Variants in HSPBP1 observed in about 807,000 individuals in gnomAD.
The protein encoded by HSPBP1 is HSPA (Hsp70) binding protein 1.
Under a neutral mutation model 41.7 loss-of-function variants are expected in HSPBP1, and 31 were observed. The observed-to-expected ratio is 0.74, with a 90% confidence interval of 0.56 to 1.00. The LOEUF is 1.00. Ranked by LOEUF, HSPBP1 falls within the 50% of genes least tolerant of loss-of-function variation. The pLI is 0.00. For synonymous variants in HSPBP1, 199 were observed against 214.4 expected (o/e 0.93, Z 0.63); for missense variants, 439 against 487.9 (o/e 0.90, Z 0.94).
At chr19:55,267,048 T>C (rs2087806610) in intron 4 of HSPBP1, among the ~76,000 whole-genome samples, 1 of 152,262 alleles carries the variant, frequency 6.6e-6, no homozygotes, top group Admixed American at 6.5e-5. Context: ...TTCATTCTTT[T>C]TCATGGCTGA....
In HSPBP1 at chr19:55,274,551, A is replaced by G; in HGVS notation, c.487T>C (p.Trp163Arg). ...YLEAGAAGLR[W>R]RAAQLIGTCS... The stretch of plus-strand genomic sequence containing the variant: ...GTGCCGATGAGCTGTGCCGCCCGCC[A>G]CCGCAGTCCCGCAGCCCCCGCCTCC... The change falls in exon 4 of 8, where the codon TGG (tryptophan) becomes CGG (arginine). Residue 163 changes from tryptophan to arginine, a missense_variant. Trp to Arg is a moderately radical substitution (Grantham distance 101, BLOSUM62 -3). Transcript: ENST00000433386. 6.2e-7 allele frequency: 1 copy of G among 1,609,164 alleles called. No individual in the cohort carries two copies. The highest frequency in any genetic ancestry group is 8.5e-7 in the Non-Finnish European group (1 of 1,179,646).
chr19:55,264,549 C>G (rs549357807), intron 7 of HSPBP1, among the ~76,000 whole-genome samples: 109 of 151,980 alleles, frequency 7.2e-4, no homozygotes, highest in African/African-American at 2.6e-3. Flanking sequence ...TTATTTATCA[C>G]TTGTTATTTA....
intron 4 of HSPBP1, among the ~76,000 whole-genome samples, chr19:55,271,904 CA>C (rs1200190328): frequency 6.6e-6 from 1 of 151,518 alleles, no homozygotes; most frequent in East Asian, 1.9e-4. Context: ...ACTAAAAGTA[CA>C]AAAAAAATTA....
intron 4 of HSPBP1, 66 bp downstream of exon 4, chr19:55,274,332 G>A (rs1600148087): frequency 5.4e-6 from 6 of 1,103,542 alleles, no homozygotes; most frequent in Admixed American, 4.4e-5. Flanking sequence ...AGCAGATCCC[G>A]GGGGCCCACC....
At chr19:55,275,006 G>A (rs1439811735) in intron 3 of HSPBP1, among the ~76,000 whole-genome samples, 1 of 152,194 alleles carries the variant, frequency 6.6e-6, no homozygotes, top group African/African-American at 2.4e-5. Context: ...AGTAGTCTGT[G>A]GTGCTTGGCT....
In HSPBP1 at chr19:55,268,802, G is replaced by A. The variant is rs951334136; in HGVS notation, c.641-2516C>T. On this transcript the variant is annotated intron_variant, in intron 4 of 7. Transcript: ENST00000433386. This position sits in a 1 kb window ranked among gnomAD's most constrained non-coding sequence, Gnocchi z 4.5. ...TTATGCCTCAACCTACCGAGTAGCCGAGATTACAGGCATGCCCCACCATGC... is the reference window on the plus strand; with the variant it reads ...TTATGCCTCAACCTACCGAGTAGCCAAGATTACAGGCATGCCCCACCATGC... Among the ~76,000 whole-genome samples, 4 of 152,064 alleles carry A rather than the reference G, an allele frequency of 2.6e-5. No homozygotes were observed. Among genetic ancestry groups the A allele is most frequent in the Non-Finnish European group, 5.9e-5 (4 of 68,026 alleles).
rs1309148973 is a variant in HSPBP1, at chr19:55,279,626, G to A, written c.-18C>T. The A allele has an allele frequency of 1.3e-5, 21 of 1,567,722 alleles. No homozygotes were observed. The highest frequency in any genetic ancestry group is 1.8e-5 in the Non-Finnish European group (21 of 1,156,574). ...TCTGACATGGGCCGTTTGTGAAGAAGGGAAGAATGTGTTAGAGGGAGAAGG... is the reference window on the plus strand; with the variant it reads ...TCTGACATGGGCCGTTTGTGAAGAAAGGAAGAATGTGTTAGAGGGAGAAGG... On this transcript the variant is annotated 5_prime_UTR_variant, in exon 2 of 8. Coordinates refer to ENST00000433386, the MANE Select transcript of HSPBP1 (RefSeq NM_012267.5).
chr19:55,270,434 G>T lies in HSPBP1; in HGVS notation c.640+3964C>A, dbSNP rs2087891876. On this transcript the variant is annotated intron_variant, in intron 4 of 7. Coordinates refer to ENST00000433386, the MANE Select transcript of HSPBP1 (RefSeq NM_012267.5). This position sits in a 1 kb window ranked among gnomAD's most constrained non-coding sequence, Gnocchi z 5.4. ...TGCAATGAGACCTTCAGGGAACGAG[G>T]CCCGGCTGACGGCTGACCACAACCT... 6.6e-6 allele frequency among the ~76,000 whole-genome samples: 1 copy of T among 152,158 alleles called. No homozygotes were observed. Among genetic ancestry groups the T allele is most frequent in the Non-Finnish European group, 1.5e-5 (1 of 68,010 alleles).
chr19:55,263,993 G>A (rs2087710505), intron 7 of HSPBP1, among the ~76,000 whole-genome samples: 1 of 145,486 alleles, frequency 6.9e-6, no homozygotes, highest in Non-Finnish European at 1.5e-5. Context: ...TTTTGAGATG[G>A]AGTCTCACTC....
rs1302514546 is a variant in HSPBP1 at position 55,265,307 on chromosome 19, G to A, written c.976C>T (p.Gln326Ter). 1.9e-6 allele frequency: 3 copies of A among 1,612,420 alleles called. No individual in the cohort carries two copies. Among genetic ancestry groups the A allele is most frequent in the East Asian group, 4.5e-5 (2 of 44,798 alleles). ...GLEELLRHRC[Q>*]LLQQHEEYQE... ...TACTCCTCATGCTGCTGCAGCAGCTGACAGCGGTGGCGGAGGAGCTCCTCC... is the reference window on the plus strand; with the variant it reads ...TACTCCTCATGCTGCTGCAGCAGCTAACAGCGGTGGCGGAGGAGCTCCTCC... Residue 326 changes from glutamine (Q) to a stop codon, truncating the protein, a stop_gained, in exon 7 of 8, where the codon CAG (glutamine) becomes TAG (stop). Coordinates refer to ENST00000433386, the MANE Select transcript of HSPBP1 (RefSeq NM_012267.5). LOFTEE classifies it high-confidence loss of function.
intron 2 of HSPBP1, among the ~76,000 whole-genome samples, chr19:55,278,923 C>CCCAAAAA (rs764250410): frequency 1.1e-5 from 1 of 90,654 alleles, no homozygotes; most frequent in Non-Finnish European, 2.2e-5. Context: ...CTGCCCCCAC[C>CCCAAAAA]AAAAAAAAAA....
chr19:55,265,846 C>T (rs1463209887), intron 6 of HSPBP1, 40 bp downstream of exon 6: 2 of 1,466,702 alleles, frequency 1.4e-6, no homozygotes, highest in South Asian at 2.6e-5. Context: ...GAGGACGGGG[C>T]CCCCACCCCA....
At chr19:55,274,364 G>A in intron 4 of HSPBP1, 34 bp downstream of exon 4, 13 of 167,070 alleles carry the variant, frequency 7.8e-5, no homozygotes, top group South Asian at 2.8e-4. Flanking sequence ...CCCACCGCCA[G>A]CACCCCTGTC....
chr19:55,278,730 G>A (rs955810086), intron 2 of HSPBP1, among the ~76,000 whole-genome samples: 1 of 152,022 alleles, frequency 6.6e-6, no homozygotes, highest in Non-Finnish European at 1.5e-5. Context: ...CCTGGCCAAT[G>A]TAGTGAAACC....
intron 7 of HSPBP1, among the ~76,000 whole-genome samples, chr19:55,264,090 C>G (rs944561583): frequency 6.6e-6 from 1 of 151,832 alleles, no homozygotes; most frequent in Non-Finnish European, 1.5e-5. Context: ...GCCTCAGCCT[C>G]CTGGGTAGCT....
chr19:55,266,642 C>T (rs893734890), intron 4 of HSPBP1, among the ~76,000 whole-genome samples: 5 of 150,446 alleles, frequency 3.3e-5, no homozygotes, highest in African/African-American at 7.4e-5. Flanking sequence ...ATATAATTAT[C>T]GTCAATCATC....
chr19:55,267,481 G>C (rs1453541774), intron 4 of HSPBP1, among the ~76,000 whole-genome samples: 1 of 142,234 alleles, frequency 7.0e-6, no homozygotes, highest in South Asian at 2.2e-4. Flanking sequence ...TTTTTTTTGA[G>C]ACAGAGTCTT....
Position 55,274,596 on chromosome 19 carries a change from G to T in HSPBP1, c.442C>A (p.Leu148Met). Residue 148 changes from leucine (L) to methionine (M), a missense_variant, in exon 4 of 8, where the codon CTG becomes ATG. Transcript: ENST00000433386. ...GCCTCCAGGTACCGGCCCACCAGCA[G>T]GTGCATGCCAGACAGCTGGCAGAAG... is the stretch of plus-strand genomic sequence containing the variant. ...ADFCQLSGMHLLVGRYLEAGA... is the reference protein window; with the variant it reads ...ADFCQLSGMHMLVGRYLEAGA... The T allele has an allele frequency of 6.2e-7, 1 of 1,607,486 alleles. No individual in the cohort carries two copies. The highest frequency in any genetic ancestry group is 1.1e-5 in the South Asian group (1 of 90,946).
At chr19:55,266,319 TCACCAC>T in intron 4 of HSPBP1, 33 bp from the exon 5 acceptor site, 3 of 1,539,004 alleles carry the variant, frequency 1.9e-6, no homozygotes, top group Non-Finnish European at 2.6e-6. Context: ...GAGCTTGCAG[TCACCAC>T]CACCACCACT....
Sources: gnomAD v4.1 joint callset for allele counts (sites outside exome capture counted in the v4.1 genomes callset) on GRCh38, gnomAD v4.1.1 for gene constraint, Gnocchi (gnomAD v3.1) non-coding constraint, MANE v1.5 for transcripts, NCBI Gene and HGNC (gene_info 2026-07-23, HGNC 2026-07-21) for gene names.